The following UST variants were observed in gnomAD, a reference collection of about 807,000 sequenced individuals.
UST encodes uronyl 2-sulfotransferase.
UST carries 21 observed loss-of-function variants against 45.6 expected under a neutral mutation model. That is an observed-to-expected ratio of 0.46 (90% CI 0.33 to 0.66). The LOEUF is 0.66. Among genes scored for constraint, UST ranks in the 30% least tolerant of loss-of-function variants. The pLI, the probability that UST is intolerant of heterozygous loss-of-function variation, is 0.02. For synonymous variants in UST, 215 were observed against 200.6 expected (o/e 1.07, Z -0.61); for missense variants, 463 against 512.4 (o/e 0.90, Z 0.93).
chr6:148,861,545 G>C lies in UST; in HGVS notation c.248-25441G>C, dbSNP rs537545642. Among the ~76,000 whole-genome samples the C allele has an allele frequency of 2.0e-5, 3 of 152,208 alleles. No homozygotes were observed. In the East Asian group the frequency reaches 5.8e-4, roughly 29 times the overall value. ...TATTTCTTGCCTTCTGCTAGGTTTTGAATGTGTTTGCTCTTGCTTCTCTAG... is the reference window on the plus strand; with the variant it reads ...TATTTCTTGCCTTCTGCTAGGTTTTCAATGTGTTTGCTCTTGCTTCTCTAG... On this transcript the variant is annotated intron_variant, in intron 1 of 7. Transcript: ENST00000367463.
intron 2 of UST, among the ~76,000 whole-genome samples, chr6:148,926,189 T>C (rs1779811487): frequency 6.6e-6 from 1 of 152,242 alleles, no homozygotes; most frequent in African/African-American, 2.4e-5. Context: ...CTAATAGTGC[T>C]GTTACTACAA....
In UST at chr6:148,943,737, T is replaced by G. The variant is rs191044662; in HGVS notation, c.447+2303T>G. ...ATCTGTGTATTGTGTAGTTGAAACATTTCTGATTCCTGTGGTCAAAGTGAC... is the reference window on the plus strand; with the variant it reads ...ATCTGTGTATTGTGTAGTTGAAACAGTTCTGATTCCTGTGGTCAAAGTGAC... On this transcript the variant is annotated intron_variant, in intron 3 of 7. Coordinates refer to ENST00000367463, the MANE Select transcript of UST (RefSeq NM_005715.3). Among the ~76,000 whole-genome samples the G allele has an allele frequency of 7.0e-4, 106 of 152,250 alleles. 1 individual carries two copies. Among genetic ancestry groups the G allele is most frequent in the Admixed American group, 6.4e-3 (98 of 15,284 alleles).
chr6:148,816,534 A>G (rs1182094292), intron 1 of UST, among the ~76,000 whole-genome samples: 1 of 152,230 alleles, frequency 6.6e-6, no homozygotes, highest in Admixed American at 6.5e-5. Flanking sequence ...ATAGAATTCT[A>G]TACAACATAG....
chr6:148,913,334 C>T (rs182092025), intron 2 of UST, among the ~76,000 whole-genome samples: 1 of 151,272 alleles, frequency 6.6e-6, no homozygotes, highest in Non-Finnish European at 1.5e-5. Context: ...TGCCCACCTG[C>T]AGGCTACAGG....
At chr6:148,990,430 G>T (rs1781326345) in intron 5 of UST, 8 of 984,996 alleles carry the variant, frequency 8.1e-6, no homozygotes, top group Non-Finnish European at 9.6e-6. Flanking sequence ...TCATGATAAG[G>T]TAACTAGATG....
In UST at chr6:149,043,025, C is replaced by T. The variant is rs545186003; in HGVS notation, c.937+21544C>T. Among the ~76,000 whole-genome samples the T allele has an allele frequency of 7.1e-3, 722 of 101,030 alleles. 2 individuals carry two copies. The highest frequency in any genetic ancestry group is 0.031 in the African/African-American group (603 of 19,652). The allele number at this position is 101,030 out of a possible 152,430, so 66.3% of individuals were successfully genotyped here. On this transcript the variant is annotated intron_variant, in intron 7 of 7. Transcript: ENST00000367463. ...TTTCTTTCTTTCTTTCTTTCTTTTT[C>T]TTTCTTTCTTTCTTTCTTTCCTTCT...
chr6:148,899,131 G>C (rs1192289182), intron 2 of UST, among the ~76,000 whole-genome samples: 1 of 112,696 alleles, frequency 8.9e-6, no homozygotes, highest in Non-Finnish European at 1.6e-5. Context: ...ATGGAGTCTC[G>C]CTCTGTCGCC....
intron 7 of UST, among the ~76,000 whole-genome samples, chr6:149,045,553 T>G (rs1194368299): frequency 6.6e-6 from 1 of 152,100 alleles, no homozygotes; most frequent in Non-Finnish European, 1.5e-5. Context: ...GTGGGTACCC[T>G]GCGGATCTCT....
intron 1 of UST, among the ~76,000 whole-genome samples, chr6:148,848,086 A>T (rs1446242338): frequency 6.6e-6 from 1 of 152,226 alleles, no homozygotes; most frequent in Non-Finnish European, 1.5e-5. Context: ...AAAAAATCTT[A>T]GGGTCATATA....
chr6:148,845,171 C>T (rs1485724280), intron 1 of UST, among the ~76,000 whole-genome samples: 1 of 152,132 alleles, frequency 6.6e-6, no homozygotes, highest in South Asian at 2.1e-4. Flanking sequence ...TTAGCTGGGT[C>T]GAGTGGTTGT....
At position 149,030,908 on chromosome 6, in the gene UST, T is replaced by G. The variant is rs1442455316; in HGVS notation, c.937+9427T>G. 2.0e-5 allele frequency among the ~76,000 whole-genome samples: 3 copies of G among 152,082 alleles called. No individual in the cohort carries two copies. In the East Asian group the frequency reaches 5.8e-4, roughly 29 times the overall value. The stretch of plus-strand genomic sequence containing the variant: ...TAGCAGTGCAAGGTCTTTAAGATAG[T>G]GTCTAAAAATCTAAGCTGGGCTGGG... On this transcript the variant is annotated intron_variant, in intron 7 of 7. Transcript: ENST00000367463.
intron 2 of UST, among the ~76,000 whole-genome samples, chr6:148,891,409 G>C (rs997084279): frequency 6.6e-6 from 1 of 152,160 alleles, no homozygotes; most frequent in African/African-American, 2.4e-5. Context: ...TAATAAAATC[G>C]CTATCCATAT....
At chr6:148,820,968 C>CTTTT (rs71007920) in intron 1 of UST, among the ~76,000 whole-genome samples, 9 of 91,190 alleles carry the variant, frequency 9.9e-5, no homozygotes, top group Admixed American at 1.6e-4. Flanking sequence ...TTTTTAATTC[C>CTTTT]TTTTTTTTTT....
chr6:149,010,770 G>A (rs1294190041), intron 5 of UST, among the ~76,000 whole-genome samples: 3 of 151,866 alleles, frequency 2.0e-5, no homozygotes, highest in Admixed American at 1.3e-4. Context: ...ACACGTGCCT[G>A]TAATCCCAAC....
intron 5 of UST, among the ~76,000 whole-genome samples, chr6:148,967,628 G>A (rs147360875): frequency 3.3e-5 from 5 of 152,284 alleles, no homozygotes; most frequent in African/African-American, 7.2e-5. Flanking sequence ...TCAGCGGGGC[G>A]CAGGCAGCTG....
chr6:148,776,051 A>G (rs1776529058), intron 1 of UST, among the ~76,000 whole-genome samples: 1 of 151,952 alleles, frequency 6.6e-6, no homozygotes, highest in African/African-American at 2.4e-5. Context: ...CTTACACTTT[A>G]TTTTCTGCAT....
At chr6:148,979,300 A>T (rs760059782) in intron 5 of UST, among the ~76,000 whole-genome samples, 4 of 152,326 alleles carry the variant, frequency 2.6e-5, no homozygotes, top group Non-Finnish European at 4.4e-5. Context: ...TAGAACCATA[A>T]TTCACAGTTT....
At chr6:148,931,489 T>C (rs1779920663) in intron 2 of UST, among the ~76,000 whole-genome samples, 1 of 152,238 alleles carries the variant, frequency 6.6e-6, no homozygotes, top group Non-Finnish European at 1.5e-5. Flanking sequence ...AATTCCGTAC[T>C]CTGGTCCAAA....
At chr6:149,033,116 C>T (rs1776180773) in intron 7 of UST, among the ~76,000 whole-genome samples, 1 of 152,144 alleles carries the variant, frequency 6.6e-6, no homozygotes, top group African/African-American at 2.4e-5. Flanking sequence ...ATAAAAACGA[C>T]CTTGTGGTCA....
Sources: allele counts gnomAD v4.1 joint callset (sites outside exome capture counted in the v4.1 genomes callset), GRCh38; gene constraint gnomAD v4.1.1; transcripts MANE v1.5; gene names NCBI Gene and HGNC (gene_info 2026-07-23, HGNC 2026-07-21).